Variants in STK3 observed in about 807,000 individuals in gnomAD.
STK3 encodes serine/threonine kinase 3.
A neutral mutation model predicts 58.0 loss-of-function variants in STK3; 41 were observed. The observed-to-expected ratio is 0.71, with a 90% CI of 0.55 to 0.92. The LOEUF is 0.92. Among genes scored for constraint, STK3 ranks in the 40% least tolerant of loss-of-function variants. STK3 has a pLI of 0.00. For synonymous variants in STK3, 170 were observed against 191.0 expected (o/e 0.89, Z 0.91); for missense variants, 479 against 602.7 (o/e 0.79, Z 2.15).
At chr8:98,349,559 C>G in the STK3 span, among the ~76,000 whole-genome samples, 1 of 152,252 alleles carries the variant, frequency 6.6e-6, no homozygotes, top group Non-Finnish European at 1.5e-5. Flanking sequence ...GGGGGACCCA[C>G]TCCACATTTC....
intron 1 of STK3, among the ~76,000 whole-genome samples, chr8:98,811,327 G>A (rs554187750): frequency 1.3e-5 from 2 of 152,268 alleles, no homozygotes; most frequent in Admixed American, 6.5e-5. Context: ...TAGAGCATAG[G>A]TTTTAATGAC....
chr8:98,491,195 G>GAGAGAC (rs1246495893), intron 10 of STK3, among the ~76,000 whole-genome samples: 4 of 148,556 alleles, frequency 2.7e-5, no homozygotes, highest in African/African-American at 7.5e-5. Flanking sequence ...GAGAGAGAGA[G>GAGAGAC]AGAGACAGAG....
At chr8:98,501,039 G>C (rs149787516) in intron 10 of STK3, among the ~76,000 whole-genome samples, 1 of 152,068 alleles carries the variant, frequency 6.6e-6, no homozygotes, top group African/African-American at 2.4e-5. Context: ...GTGTAAAAGC[G>C]TTCCTATTTC....
chr8:98,833,054 C>A (rs1474963475), intron 3 of STK3, among the ~76,000 whole-genome samples: 1 of 152,134 alleles, frequency 6.6e-6, no homozygotes, highest in African/African-American at 2.4e-5. Context: ...AATGTAAGGA[C>A]AATGACCTCA....
intron 6 of STK3, among the ~76,000 whole-genome samples, chr8:98,629,328 A>C (rs1457127325): frequency 6.6e-6 from 1 of 152,158 alleles, no homozygotes; most frequent in Non-Finnish European, 1.5e-5. Context: ...CATACATGGA[A>C]CCCTAGTACA....
chr8:98,683,215 TTAAA>T lies in STK3; in HGVS notation c.684+23248_684+23251del, dbSNP rs1823759827. 2.0e-5 allele frequency among the ~76,000 whole-genome samples: 3 copies of T among 152,100 alleles called. No homozygotes were observed. The South Asian group carries it at 6.2e-4, about 32-fold the overall frequency. Reference sequence around the variant, plus strand: ...ATTATATCAATTTAAAATTTAAATGTTAAATAAATAAATTGTGCTAAGTAAAAGT... The same window carrying T: ...ATTATATCAATTTAAAATTTAAATGTTAAATAAATTGTGCTAAGTAAAAGT... On this transcript the variant is annotated intron_variant, in intron 6 of 10. Coordinates refer to ENST00000419617, the MANE Select transcript of STK3 (RefSeq NM_006281.4).
intron 10 of STK3, among the ~76,000 whole-genome samples, chr8:98,519,782 T>C (rs1233360533): frequency 6.6e-6 from 1 of 152,102 alleles, no homozygotes; most frequent in African/African-American, 2.4e-5. Context: ...TTGTGTCCCT[T>C]AGCTCAAAAG....
downstream of STK3, among the ~76,000 whole-genome samples, chr8:98,370,549 G>A (rs4400347): frequency 0.83 from 126,400 of 152,064 alleles, 52,887 homozygotes; most frequent in African/African-American, 0.9. Flanking sequence ...ATCATCTCCC[G>A]GCTACTCAGC....
chr8:98,857,602 G>A lies in STK3; in HGVS notation c.110+26045C>T, dbSNP rs139600088. On this transcript the variant is annotated intron_variant, in intron 3 of 12. Transcript: ENST00000523601. Reference sequence around the variant, plus strand: ...AGAGAAGTATGCTAGTGAATAATAGGTTTAAACTTCTGTAAGAGTTACTAG... The same window carrying A: ...AGAGAAGTATGCTAGTGAATAATAGATTTAAACTTCTGTAAGAGTTACTAG... 1.6e-4 allele frequency among the ~76,000 whole-genome samples: 25 copies of A among 152,262 alleles called. No homozygotes were observed. The East Asian group carries it at 4.6e-3, about 28-fold the overall frequency.
intron 10 of STK3, among the ~76,000 whole-genome samples, chr8:98,487,383 G>T (rs1280104667): frequency 6.6e-6 from 1 of 152,162 alleles, no homozygotes; most frequent in African/African-American, 2.4e-5. Flanking sequence ...AATGCAATGA[G>T]ACTTTGAGGT....
intron 2 of STK3, among the ~76,000 whole-genome samples, chr8:98,373,615 C>G (rs1817635744): frequency 6.6e-6 from 1 of 152,210 alleles, no homozygotes; most frequent in African/African-American, 2.4e-5. Flanking sequence ...GGACCCAGGA[C>G]TGAACCCAGG....
At chr8:98,802,349 G>A (rs1250667075) in intron 1 of STK3, among the ~76,000 whole-genome samples, 4 of 152,028 alleles carry the variant, frequency 2.6e-5, no homozygotes, top group Non-Finnish European at 5.9e-5. Flanking sequence ...TTATACCACA[G>A]ATAATGCTAA....
Position 98,763,036 on chromosome 8 carries a change from T to A in STK3, c.236+4207A>T, listed in dbSNP as rs374351825. 7.9e-5 allele frequency among the ~76,000 whole-genome samples: 12 copies of A among 152,302 alleles called. No homozygotes were observed. The East Asian group carries it at 2.3e-3, about 29-fold the overall frequency. Reference sequence around the variant, plus strand: ...TAAATATGCTTTAGCACTAGAAGACTTTTCCTCAAATAAAAATTTCAAAAG... The same window carrying A: ...TAAATATGCTTTAGCACTAGAAGACATTTCCTCAAATAAAAATTTCAAAAG... On this transcript the variant is annotated intron_variant, in intron 3 of 10. Transcript: ENST00000419617.
At chr8:98,670,181 C>A (rs891514858) in intron 6 of STK3, among the ~76,000 whole-genome samples, 3 of 152,102 alleles carry the variant, frequency 2.0e-5, no homozygotes, top group Non-Finnish European at 4.4e-5. Context: ...CCAGCCTGGG[C>A]AACATGGTGA....
chr8:98,567,361 C>T (rs1812573066), intron 8 of STK3, among the ~76,000 whole-genome samples: 1 of 152,228 alleles, frequency 6.6e-6, no homozygotes, highest in South Asian at 2.1e-4. Flanking sequence ...CCATGCCTGG[C>T]TAATTTTTGA....
intron 6 of STK3, among the ~76,000 whole-genome samples, chr8:98,676,408 A>C (rs1222825223): frequency 6.6e-6 from 1 of 152,178 alleles, no homozygotes; most frequent in Admixed American, 6.5e-5. Flanking sequence ...CAGGAGTTAG[A>C]GACCATCCAG....
intron 8 of STK3, 30 bp from the exon 9 acceptor site, chr8:98,548,191 A>C: frequency 7.0e-7 from 1 of 1,432,300 alleles, no homozygotes; most frequent in South Asian, 1.7e-5. Flanking sequence ...ATGAGGGAAG[A>C]CTTTTCTATG....
chr8:98,578,156 T>C (rs1813563554), intron 8 of STK3, among the ~76,000 whole-genome samples: 1 of 152,052 alleles, frequency 6.6e-6, no homozygotes, highest in South Asian at 2.1e-4. Flanking sequence ...TTTAGAAACA[T>C]TAACTGGAGA....
chr8:98,356,722 C>T, the STK3 span, among the ~76,000 whole-genome samples: 10 of 152,278 alleles, frequency 6.6e-5, no homozygotes, highest in South Asian at 1.2e-3. Context: ...CAAAAATGCG[C>T]GGCAAATTGC....
Sources: gnomAD v4.1 joint callset for allele counts (sites outside exome capture counted in the v4.1 genomes callset) on GRCh38, gnomAD v4.1.1 for gene constraint, MANE v1.5 for transcripts, NCBI Gene and HGNC (gene_info 2026-07-23, HGNC 2026-07-21) for gene names.